LMF1: variants seen among roughly 807,000 people sequenced by gnomAD.
The protein encoded by LMF1 is lipase maturation factor 1.
A neutral mutation model predicts 60.6 loss-of-function variants in LMF1; 68 were observed. That is an observed-to-expected ratio of 1.12 (90% CI 0.92 to 1.37). LMF1 has a LOEUF of 1.37. Among genes scored for constraint, LMF1 ranks in the 40% most tolerant of loss-of-function variants. The probability of loss-of-function intolerance (pLI) is 0.00; values close to 1 mark genes in which losing one functional copy is unlikely to be tolerated. For synonymous variants in LMF1, 418 were observed against 324.7 expected, an observed-to-expected ratio of 1.29 and a Z score of -3.09; for missense variants, 948 against 767.2, an observed-to-expected ratio of 1.24 and a Z score of -2.78.
At chr16:900,728 TG>T (rs372808130) in intron 4 of LMF1, 18,643 of 106,958 alleles carry the variant, frequency 0.17, 1,267 homozygotes, top group Admixed American at 0.22. Context: ...TGTGTGTGTG[TG>T]TGTTTTAGTA....
chr16:888,859 C>T (rs2070391077), intron 5 of LMF1, among the ~76,000 whole-genome samples: 1 of 152,192 alleles, frequency 6.6e-6, no homozygotes, highest in African/African-American at 2.4e-5. Flanking sequence ...GGCAGCAGGG[C>T]CAGCCAGTGT....
chr16:872,689 G>C (rs1415605576), intron 6 of LMF1: 1 of 152,406 alleles, frequency 6.6e-6, no homozygotes, highest in African/African-American at 2.4e-5. Flanking sequence ...TAGGCACTGA[G>C]GTCTGACCTT....
intron 6 of LMF1, chr16:872,975 C>G (rs1196800481): frequency 6.6e-6 from 1 of 152,246 alleles, no homozygotes; most frequent in Non-Finnish European, 1.5e-5. Flanking sequence ...CCCCTTGGGT[C>G]ATCCTGCTGT....
chr16:918,925 G>A (rs1013533423), intron 3 of LMF1, among the ~76,000 whole-genome samples: 2 of 140,270 alleles, frequency 1.4e-5, no homozygotes, highest in African/African-American at 2.6e-5. Flanking sequence ...CGCCTGCTCA[G>A]AGACACCTGT....
At chr16:952,998 GACACCCCAAACCAGCCTCCTACATATCC>G (rs1426930495) in intron 2 of LMF1, among the ~76,000 whole-genome samples, 39 of 31,544 alleles carry the variant, frequency 1.2e-3, no homozygotes, top group African/African-American at 8.5e-3. Flanking sequence ...TATCCACACA[GACACCCCAAACCAGCCTCCTACATATCC>G]ACACAGACAC....
At chr16:978,098 GACAC>G (rs746667416) in intron 1 of LMF1, among the ~76,000 whole-genome samples, 415 of 25,720 alleles carry the variant, frequency 0.016, 3 homozygotes, top group Non-Finnish European at 0.016. Flanking sequence ...AACACACACG[GACAC>G]ACACACACCA....
At position 874,789 on chromosome 16, in the gene LMF1, G is replaced by C. The variant is rs1007984840; in HGVS notation, c.898-3448C>G. Among the ~76,000 whole-genome samples the C allele has an allele frequency of 1.3e-5, 2 of 152,036 alleles. No individual in the cohort carries two copies. The highest frequency in any genetic ancestry group is 2.9e-5 in the Non-Finnish European group (2 of 67,986). On this transcript the variant is annotated intron_variant, in intron 6 of 10. Transcript: ENST00000262301. This position sits in a 1 kb window ranked among gnomAD's most constrained non-coding sequence, Gnocchi z 4.1. Reference sequence around the variant, plus strand: ...ACAGGCTCCAGGCAGGCGGCGCTCAGAAGTCTCAGGGCACTCGGCTGTCAC... The same window carrying C: ...ACAGGCTCCAGGCAGGCGGCGCTCACAAGTCTCAGGGCACTCGGCTGTCAC...
At chr16:889,250 T>C (rs2070404555) in intron 5 of LMF1, among the ~76,000 whole-genome samples, 2 of 152,218 alleles carry the variant, frequency 1.3e-5, no homozygotes, top group East Asian at 3.9e-4. Context: ...CTCTTGGAAC[T>C]TGGGGATGCC....
At chr16:946,222 C>T (rs1326823456) in intron 2 of LMF1, among the ~76,000 whole-genome samples, 3 of 152,238 alleles carry the variant, frequency 2.0e-5, no homozygotes, top group Non-Finnish European at 4.4e-5. Flanking sequence ...GGGCAAGGTG[C>T]GGCGTCTGCC....
At chr16:865,919 C>G (rs2069597708) in intron 10 of LMF1, among the ~76,000 whole-genome samples, 1 of 152,192 alleles carries the variant, frequency 6.6e-6, no homozygotes. Flanking sequence ...CCTCACCATT[C>G]AGATGTCGAG....
At chr16:882,270 T>C (rs1183876578) in intron 5 of LMF1, among the ~76,000 whole-genome samples, 1 of 152,238 alleles carries the variant, frequency 6.6e-6, no homozygotes, top group African/African-American at 2.4e-5. Context: ...TCAGCTGTAG[T>C]GGCCACTGCC....
At chr16:871,060 C>T in intron 7 of LMF1, 101 bp downstream of exon 7, 1 of 1,418,946 alleles carries the variant, frequency 7.0e-7, no homozygotes, top group South Asian at 1.4e-5. Flanking sequence ...GCTGACTCTC[C>T]TCCTACCCTG....
intron 5 of LMF1, among the ~76,000 whole-genome samples, chr16:887,688 G>A (rs529898055): frequency 6.6e-6 from 1 of 152,296 alleles, no homozygotes; most frequent in African/African-American, 2.4e-5. Flanking sequence ...TAGCATGAAT[G>A]GCCTCTAGCC....
chr16:935,321 C>T (rs75941141), intron 2 of LMF1, among the ~76,000 whole-genome samples: 3,046 of 152,150 alleles, frequency 0.02, 108 homozygotes, highest in African/African-American at 0.068. Context: ...TCTCAAACTC[C>T]TAGACTCAGG....
intron 4 of LMF1, among the ~76,000 whole-genome samples, chr16:895,712 G>A (rs1326056834): frequency 6.6e-6 from 1 of 152,168 alleles, no homozygotes; most frequent in African/African-American, 2.4e-5. Context: ...GGACACGAAT[G>A]AGAAACGGCA....
chr16:939,634 G>A (rs1454960030), intron 2 of LMF1, among the ~76,000 whole-genome samples: 1 of 152,234 alleles, frequency 6.6e-6, no homozygotes, highest in Non-Finnish European at 1.5e-5. Context: ...CTCTCCACGC[G>A]GCCTCTGCCT....
chr16:968,064 C>G (rs1017117378), intron 1 of LMF1, among the ~76,000 whole-genome samples: 2 of 152,200 alleles, frequency 1.3e-5, no homozygotes, highest in African/African-American at 4.8e-5. Flanking sequence ...CCCAGGACGC[C>G]CGCGGTATGC....
chr16:899,702 C>A (rs1251550895), intron 4 of LMF1: 4 of 152,246 alleles, frequency 2.6e-5, no homozygotes, highest in Non-Finnish European at 5.9e-5. Flanking sequence ...CGCCCATGAC[C>A]CACACCTCCC....
chr16:934,327 G>A (rs1445032191), intron 2 of LMF1, 73 bp from the exon 3 acceptor site: 1 of 1,576,654 alleles, frequency 6.3e-7, no homozygotes, highest in Non-Finnish European at 8.6e-7. Flanking sequence ...TTTCCCCACT[G>A]AGTGAAGCCC....
Sources: gnomAD v4.1 joint callset for allele counts (sites outside exome capture counted in the v4.1 genomes callset) on GRCh38, gnomAD v4.1.1 for gene constraint, Gnocchi (gnomAD v3.1) non-coding constraint, MANE v1.5 for transcripts, NCBI Gene and HGNC (gene_info 2026-07-23, HGNC 2026-07-21) for gene names.